Variants in NAALADL2 observed in about 807,000 individuals in gnomAD.
NAALADL2 encodes N-acetylated alpha-linked acidic dipeptidase like 2.
Under a neutral mutation model 87.2 loss-of-function variants are expected in NAALADL2, and 76 were observed. The observed-to-expected ratio is 0.87, with a 90% CI of 0.72 to 1.05. NAALADL2 has a LOEUF of 1.05. NAALADL2 is among the 50% of genes least tolerant of loss of function. The probability of loss-of-function intolerance (pLI) is 0.00; values close to 1 mark genes in which losing one functional copy is unlikely to be tolerated. For synonymous variants in NAALADL2, 354 were observed against 331.0 expected (o/e 1.07, Z -0.75); for missense variants, 1,089 against 945.8 (o/e 1.15, Z -1.99).
intron 4 of NAALADL2, among the ~76,000 whole-genome samples, chr3:175,305,896 A>G (rs1757663964): frequency 6.6e-6 from 1 of 152,126 alleles, no homozygotes; most frequent in African/African-American, 2.4e-5. Flanking sequence ...TAACATTTTT[A>G]TATGAATTTG....
At chr3:175,427,708 T>C (rs544828698) in intron 5 of NAALADL2, among the ~76,000 whole-genome samples, 9 of 152,324 alleles carry the variant, frequency 5.9e-5, no homozygotes, top group Non-Finnish European at 1.3e-4. Context: ...CTAGACTAGA[T>C]GACTGACACT....
At chr3:175,724,677 C>A (rs572032738) in intron 11 of NAALADL2, among the ~76,000 whole-genome samples, 32 of 152,120 alleles carry the variant, frequency 2.1e-4, no homozygotes, top group African/African-American at 7.2e-4. Flanking sequence ...TTCAAAAGAA[C>A]AATCTATTTA....
chr3:174,757,274 G>C (rs1362923543), intron 3 of NAALADL2, among the ~76,000 whole-genome samples: 2 of 152,162 alleles, frequency 1.3e-5, no homozygotes, highest in East Asian at 3.9e-4. Flanking sequence ...TTTTGGGTAG[G>C]TGGTAGCAGT....
intron 1 of NAALADL2, among the ~76,000 whole-genome samples, chr3:174,874,512 G>A (rs1349541875): frequency 6.6e-6 from 1 of 152,072 alleles, no homozygotes; most frequent in East Asian, 1.9e-4. Context: ...TGTGACTGCA[G>A]GCATTTTATG....
chr3:174,934,644 T>A (rs954507009), intron 1 of NAALADL2, among the ~76,000 whole-genome samples: 28 of 151,912 alleles, frequency 1.8e-4, no homozygotes, highest in African/African-American at 6.5e-4. Flanking sequence ...AGACCTCGTC[T>A]CTATAAAAAC....
At chr3:174,974,948 C>G (rs1466064799) in intron 1 of NAALADL2, among the ~76,000 whole-genome samples, 2 of 152,020 alleles carry the variant, frequency 1.3e-5, no homozygotes, top group Non-Finnish European at 2.9e-5. Context: ...TCAAAAAAGA[C>G]TATTTTTGAA....
intron 2 of NAALADL2, among the ~76,000 whole-genome samples, chr3:174,697,489 T>C (rs1729138707): frequency 6.6e-6 from 1 of 151,980 alleles, no homozygotes; most frequent in Non-Finnish European, 1.5e-5. Context: ...TGAAGGATGC[T>C]TCTTTTTTCA....
chr3:174,708,021 A>G (rs6783729), intron 2 of NAALADL2, among the ~76,000 whole-genome samples: 23,005 of 152,116 alleles, frequency 0.15, 2,013 homozygotes, highest in African/African-American at 0.22. Flanking sequence ...TTTTACTTCA[A>G]TACAAAAAAA....
At chr3:175,543,217 C>A (rs894818680) in intron 9 of NAALADL2, among the ~76,000 whole-genome samples, 14 of 152,158 alleles carry the variant, frequency 9.2e-5, no homozygotes, top group African/African-American at 2.4e-5. Context: ...CCTCCCATAT[C>A]TTGCAAGGCA....
At chr3:175,547,899 T>C (rs1713639742) in intron 9 of NAALADL2, among the ~76,000 whole-genome samples, 1 of 151,828 alleles carries the variant, frequency 6.6e-6, no homozygotes, top group Non-Finnish European at 1.5e-5. Context: ...AGTCAGAAAA[T>C]ACCAGATGCT....
At chr3:174,629,674 A>T (rs1721920368) in intron 2 of NAALADL2, among the ~76,000 whole-genome samples, 1 of 152,206 alleles carries the variant, frequency 6.6e-6, no homozygotes, top group African/African-American at 2.4e-5. Flanking sequence ...ATCTTTTCAT[A>T]TTCAACAAGT....
At chr3:174,933,009 T>C (rs1410207810) in intron 1 of NAALADL2, among the ~76,000 whole-genome samples, 2 of 152,078 alleles carry the variant, frequency 1.3e-5, no homozygotes, top group Non-Finnish European at 2.9e-5. Context: ...CCCAGCTACT[T>C]GGGAGGCTGA....
intron 12 of NAALADL2, among the ~76,000 whole-genome samples, chr3:175,749,700 G>A (rs1251640738): frequency 6.6e-6 from 1 of 152,164 alleles, no homozygotes. Flanking sequence ...ATGAGTTTTG[G>A]AGAGGACAAA....
At chr3:175,286,599 G>A (rs1211911519) in intron 4 of NAALADL2, among the ~76,000 whole-genome samples, 1 of 151,946 alleles carries the variant, frequency 6.6e-6, no homozygotes, top group African/African-American at 2.4e-5. Context: ...CCTATGGATC[G>A]ACTTCTGGAG....
chr3:175,310,315 A>G (rs1384446763), intron 4 of NAALADL2, among the ~76,000 whole-genome samples: 4 of 149,552 alleles, frequency 2.7e-5, no homozygotes, highest in African/African-American at 1.0e-4. Flanking sequence ...CATCAAATAT[A>G]CATTTAGTCA....
At chr3:175,541,419 G>A (rs796716688) in intron 9 of NAALADL2, among the ~76,000 whole-genome samples, 11 of 152,194 alleles carry the variant, frequency 7.2e-5, no homozygotes, top group African/African-American at 2.4e-5. Context: ...AAACACATTA[G>A]CCTCCAATTA....
At chr3:174,882,675 GTGTATA>G in intron 1 of NAALADL2, among the ~76,000 whole-genome samples, 1 of 130,616 alleles carries the variant, frequency 7.7e-6, no homozygotes, top group East Asian at 2.0e-4. Flanking sequence ...ATACACATAT[GTGTATA>G]TGTGTATCCG....
At chr3:174,675,767 A>AT (rs953879085) in intron 2 of NAALADL2, among the ~76,000 whole-genome samples, 1 of 151,980 alleles carries the variant, frequency 6.6e-6, no homozygotes, top group Admixed American at 6.6e-5. Context: ...GGAAAAAAAT[A>AT]TTTTCAGTAA....
intron 5 of NAALADL2, among the ~76,000 whole-genome samples, chr3:175,442,320 A>C (rs1719923926): frequency 6.6e-6 from 1 of 151,908 alleles, no homozygotes; most frequent in Non-Finnish European, 1.5e-5. Context: ...TATACTGGTT[A>C]CTAACAGAGC....
Sources: allele counts gnomAD v4.1 joint callset (sites outside exome capture counted in the v4.1 genomes callset), GRCh38; gene constraint gnomAD v4.1.1; transcripts MANE v1.5; gene names NCBI Gene and HGNC (gene_info 2026-07-23, HGNC 2026-07-21).